ACYP2: variants seen among roughly 807,000 people sequenced by gnomAD.
ACYP2 encodes acylphosphatase 2.
A neutral mutation model predicts 11.2 loss-of-function variants in ACYP2; 12 were observed. The ratio of observed to expected loss-of-function variants is 1.08; its 90% CI spans 0.69 to 1.74. ACYP2 has a LOEUF of 1.74. ACYP2 is among the 40% of genes most tolerant of loss of function. ACYP2 has a pLI of 0.00. For missense variants in ACYP2, 134 were observed against 101.9 expected (o/e 1.31, Z -1.35); for synonymous variants, 43 against 32.2 (o/e 1.33, Z -1.13).
intron 2 of ACYP2, among the ~76,000 whole-genome samples, chr2:53,989,963 AC>A (rs1325356272): frequency 3.6e-5 from 5 of 138,264 alleles, no homozygotes; most frequent in African/African-American, 1.3e-4. Context: ...AGTTACATAA[AC>A]CCTTTTCTTT....
At chr2:53,977,175 G>A (rs1167880712) in intron 2 of ACYP2, among the ~76,000 whole-genome samples, 1 of 152,092 alleles carries the variant, frequency 6.6e-6, no homozygotes, top group Non-Finnish European at 1.5e-5. Context: ...AGTTTCCCGA[G>A]TAGCTGGGAC....
chr2:54,066,835 TC>T (rs1676778000), intron 4 of ACYP2, among the ~76,000 whole-genome samples: 1 of 152,184 alleles, frequency 6.6e-6, no homozygotes. Flanking sequence ...CTGGTGAATT[TC>T]TCCACTTGAC....
At chr2:54,137,424 C>G (rs972570266) in intron 5 of ACYP2, among the ~76,000 whole-genome samples, 1 of 152,138 alleles carries the variant, frequency 6.6e-6, no homozygotes, top group Non-Finnish European at 1.5e-5. Flanking sequence ...CTACTCCTCT[C>G]CCTCCTCCCA....
intron 2 of ACYP2, among the ~76,000 whole-genome samples, chr2:53,983,429 C>T (rs113111063): frequency 6.6e-6 from 1 of 152,048 alleles, no homozygotes; most frequent in African/African-American, 2.4e-5. Context: ...TCACTTGAAC[C>T]CAGGAGATTG....
At chr2:54,058,528 C>T (rs545894503) in intron 4 of ACYP2, among the ~76,000 whole-genome samples, 1 of 152,088 alleles carries the variant, frequency 6.6e-6, no homozygotes, top group Non-Finnish European at 1.5e-5. Context: ...AATTCAATAT[C>T]GAGTATTTAC....
intron 2 of ACYP2, among the ~76,000 whole-genome samples, chr2:54,019,244 T>C (rs1228614176): frequency 1.3e-5 from 2 of 151,692 alleles, no homozygotes; most frequent in African/African-American, 4.8e-5. Context: ...TTTTTAAAAA[T>C]ATTTTTTGTG....
chr2:54,209,173 C>T (rs1685222509), intron 6 of ACYP2, among the ~76,000 whole-genome samples: 1 of 151,576 alleles, frequency 6.6e-6, no homozygotes, highest in South Asian at 2.1e-4. Flanking sequence ...TTTTTGTGAC[C>T]TATTGGATTT....
chr2:54,285,122 G>A (rs914192003), intron 6 of ACYP2, among the ~76,000 whole-genome samples: 8 of 152,204 alleles, frequency 5.3e-5, no homozygotes. Flanking sequence ...TATGGTGGAA[G>A]GGGCTGACAA....
intron 6 of ACYP2, among the ~76,000 whole-genome samples, chr2:54,276,619 T>A (rs371409143): frequency 1.4e-4 from 20 of 146,108 alleles, no homozygotes; most frequent in Non-Finnish European, 1.8e-4. Context: ...GATTGTTCTT[T>A]CACACACACA....
At chr2:54,028,133 G>A (rs1354798830) in intron 2 of ACYP2, among the ~76,000 whole-genome samples, 5 of 152,058 alleles carry the variant, frequency 3.3e-5, no homozygotes, top group African/African-American at 1.2e-4. Context: ...ATGTGCCACC[G>A]TGCCTGGCCT....
At chr2:53,988,070 G>A (rs1466301027) in intron 2 of ACYP2, among the ~76,000 whole-genome samples, 1 of 152,058 alleles carries the variant, frequency 6.6e-6, no homozygotes, top group Non-Finnish European at 1.5e-5. Context: ...TTTAGTGTGA[G>A]ATCTAAGAAC....
chr2:54,105,451 T>A (rs1337812401), intron 4 of ACYP2, among the ~76,000 whole-genome samples: 1 of 152,110 alleles, frequency 6.6e-6, no homozygotes, highest in Non-Finnish European at 1.5e-5. Flanking sequence ...AGCCCTAATC[T>A]ACCCCCATCT....
intron 6 of ACYP2, among the ~76,000 whole-genome samples, chr2:54,230,742 G>C (rs1416943459): frequency 1.3e-5 from 2 of 151,732 alleles, no homozygotes; most frequent in Non-Finnish European, 2.9e-5. Context: ...TTGTCAACCA[G>C]AAGATGTTGG....
intron 2 of ACYP2, among the ~76,000 whole-genome samples, chr2:53,978,933 A>G (rs1345191954): frequency 6.6e-6 from 1 of 152,192 alleles, no homozygotes; most frequent in Non-Finnish European, 1.5e-5. Context: ...AAACTTAAAA[A>G]AAAGAGTATA....
intron 3 of ACYP2, among the ~76,000 whole-genome samples, chr2:54,053,291 T>G (rs945910928): frequency 6.6e-6 from 1 of 152,184 alleles, no homozygotes; most frequent in Non-Finnish European, 1.5e-5. Context: ...GGGCTGGCTG[T>G]CTAGTGAACT....
At position 53,976,264 on chromosome 2, in the gene ACYP2, A is replaced by G. The variant is rs186446004; in HGVS notation, c.62+2454A>G. 7.1e-4 allele frequency among the ~76,000 whole-genome samples: 108 copies of G among 152,250 alleles called. 1 individual carries two copies. The highest frequency in any genetic ancestry group is 2.5e-3 in the African/African-American group (105 of 41,536). On this transcript the variant is annotated intron_variant, in intron 2 of 6. Coordinates refer to ENST00000607452, the MANE Select transcript of ACYP2 (RefSeq NM_001320586.2). The stretch of plus-strand genomic sequence containing the variant: ...TCACTCTCTTACAGGCTGGAGTACA[A>G]TGGCACAATCACAGCTCACTGCAGC...
intron 3 of ACYP2, among the ~76,000 whole-genome samples, chr2:54,054,259 T>C (rs1676008349): frequency 6.6e-6 from 1 of 152,204 alleles, no homozygotes; most frequent in Non-Finnish European, 1.5e-5. Context: ...TCACCTTCTT[T>C]TCATTGAGGT....
At chr2:54,291,927 A>T (rs1306603452) in intron 6 of ACYP2, among the ~76,000 whole-genome samples, 1 of 152,210 alleles carries the variant, frequency 6.6e-6, no homozygotes, top group East Asian at 1.9e-4. Context: ...TTCTAATTCT[A>T]TAGGGGTATG....
intron 6 of ACYP2, among the ~76,000 whole-genome samples, chr2:54,225,313 GC>G (rs1451644036): frequency 6.6e-6 from 1 of 152,068 alleles, no homozygotes; most frequent in Non-Finnish European, 1.5e-5. Context: ...ACAGGGTCTG[GC>G]ATGTTTTTTC....
Sources: gnomAD v4.1 joint callset for allele counts (sites outside exome capture counted in the v4.1 genomes callset) on GRCh38, gnomAD v4.1.1 for gene constraint, MANE v1.5 for transcripts, NCBI Gene and HGNC (gene_info 2026-07-23, HGNC 2026-07-21) for gene names.